The following CYP17A1 variants were observed in gnomAD, a reference collection of about 807,000 sequenced individuals.
CYP17A1 encodes the protein cytochrome P450 family 17 subfamily A member 1.
Under a neutral mutation model 38.5 loss-of-function variants are expected in CYP17A1, and 27 were observed. The ratio of observed to expected loss-of-function variants is 0.70; its 90% CI spans 0.52 to 0.97. CYP17A1 has a LOEUF of 0.97. Ranked by LOEUF, CYP17A1 falls within the 50% of genes least tolerant of loss-of-function variation. The pLI is 0.00. For missense variants in CYP17A1, 549 were observed against 645.9 expected, an observed-to-expected ratio of 0.85 and a Z score of 1.63; for synonymous variants, 263 against 253.3, an observed-to-expected ratio of 1.04 and a Z score of -0.36.
chr10:102,833,069 T>C lies in CYP17A1; in HGVS notation c.893A>G (p.Asp298Gly), dbSNP rs1185806538. Residue 298 changes from aspartate (D) to glycine (G), a missense_variant, in exon 5 of 8, where the codon GAC becomes GGC. Coordinates refer to ENST00000369887, the MANE Select transcript of CYP17A1 (RefSeq NM_000102.4). Reference sequence around the variant, plus strand: ...GGTCTCCACGCCAGCCCCAAAGATGTCCCCTATGGTGGTGAGAATGTGGTT... The same window carrying C: ...GGTCTCCACGCCAGCCCCAAAGATGCCCCCTATGGTGGTGAGAATGTGGTT... ...SDNHILTTIG[D>G]IFGAGVETTT... 2 of 1,614,114 alleles carry C rather than the reference T, an allele frequency of 1.2e-6. No homozygotes were observed. Among genetic ancestry groups the C allele is most frequent in the South Asian group, 1.1e-5 (1 of 91,078 alleles).
intron 1 of CYP17A1, chr10:102,836,685 TG>T (rs1844166893): frequency 4.1e-6 from 1 of 245,980 alleles, no homozygotes; most frequent in Non-Finnish European, 8.0e-6. Context: ...AAAAGTAACA[TG>T]AATCCTGGCT....
At chr10:102,832,771 G>C (rs1844108086) in intron 5 of CYP17A1, 91 bp from the exon 6 acceptor site, 1 of 1,249,934 alleles carries the variant, frequency 8.0e-7, no homozygotes, top group African/African-American at 1.5e-5. Context: ...ACATCGAGAA[G>C]AGCCTGTCCA....
In CYP17A1 at chr10:102,834,870, T is replaced by C; in HGVS notation, c.581A>G (p.Glu194Gly). 1 of 1,614,070 alleles carries C rather than the reference T, an allele frequency of 6.2e-7. No homozygotes were observed. The highest frequency in any genetic ancestry group is 8.5e-7 in the Non-Finnish European group (1 of 1,180,018). The change falls in exon 3 of 8, where the codon GAG (glutamate) becomes GGG (glycine). Residue 194 changes from glutamate to glycine, a missense_variant. Transcript: ENST00000369887. ...FNTSYKNGDP[E>G]LNVIQNYNEG... ...ATTGTAATTCTGTATGACATTCAAC[T>C]CAGGGTCCCCATTCTTGTAGGAGGT...
rs2134083839 is a variant in CYP17A1 at position 102,834,815 on chromosome 10, G to A, written c.636C>T (p.Asp212=). 1 of 1,614,164 alleles carries A rather than the reference G, an allele frequency of 6.2e-7. No homozygotes were observed. Among genetic ancestry groups the A allele is most frequent in the African/African-American group, 1.3e-5 (1 of 75,036 alleles). Residue 212 remains aspartate (D), a synonymous_variant, in exon 3 of 8, where the codon GAC becomes GAT. Coordinates refer to ENST00000369887, the MANE Select transcript of CYP17A1 (RefSeq NM_000102.4). ...ACCAGGGGACTAGGTCCACCAGGCT[G>A]TCTTTGCTCAGGTTGTCTATGATGC... ...NEGIIDNLSK[D]SLVDLVPWLK... is the part of the protein sequence containing the mutation.
At chr10:102,835,956 C>T (rs926473778) in intron 1 of CYP17A1, among the ~76,000 whole-genome samples, 5 of 152,158 alleles carry the variant, frequency 3.3e-5, no homozygotes, top group African/African-American at 1.2e-4. Flanking sequence ...TGGACTTGGG[C>T]CGAGCCGCCT....
intron 4 of CYP17A1, 152 bp from the exon 5 acceptor site, chr10:102,833,360 G>C (rs1844117814): frequency 6.7e-7 from 1 of 1,489,376 alleles, no homozygotes; most frequent in Non-Finnish European, 9.1e-7. Flanking sequence ...GTGGAGGTAG[G>C]AGGCAGCCCC....
In CYP17A1 at chr10:102,835,149, T is replaced by C. The variant is rs743575; in HGVS notation, c.436+105A>G. The C allele has an allele frequency of 1.7e-6, 2 of 1,156,652 alleles. No homozygotes were observed. Among genetic ancestry groups the C allele is most frequent in the East Asian group, 4.7e-5 (2 of 42,624 alleles). 71.6% of individuals were successfully genotyped at this position (1,156,652 alleles called of 1,614,324 possible). A position where few individuals can be genotyped will look rare whatever the true frequency, so the allele number is the denominator to read the frequency against. ...ATGGCAGCAGTAGCCAAGAAAAGGCTGCATTGCGCTCTAGTCCTAACCCTT... is the reference window on the plus strand; with the variant it reads ...ATGGCAGCAGTAGCCAAGAAAAGGCCGCATTGCGCTCTAGTCCTAACCCTT... On this transcript the variant is annotated intron_variant, in intron 2 of 7. Transcript: ENST00000369887.
rs1486837362 is a variant in CYP17A1 at position 102,833,178 on chromosome 10, T to G, written c.784A>C (p.Met262Leu). The G allele has an allele frequency of 4.3e-6, 7 of 1,614,144 alleles. No individual in the cohort carries two copies. ...TTGGCTTGCATCAGTGTGTCCAGCATGTTGGTGATAGAGTCACTCCGGAAT... is the reference window on the plus strand; with the variant it reads ...TTGGCTTGCATCAGTGTGTCCAGCAGGTTGGTGATAGAGTCACTCCGGAAT... Reference protein sequence around the residue: ...EKFRSDSITNMLDTLMQAKMN... With the variant: ...EKFRSDSITNLLDTLMQAKMN... The change falls in exon 5 of 8, where the codon ATG (methionine) becomes CTG (leucine). Residue 262 changes from methionine (M) to leucine (L), a missense_variant. By Grantham distance (15) the Met-to-Leu change is conservative (BLOSUM62 2). Transcript: ENST00000369887.
rs767581495 is a variant in CYP17A1, at chr10:102,833,219, T to G, written c.754-11A>C. 5.0e-5 allele frequency: 81 copies of G among 1,614,014 alleles called. No individual in the cohort carries two copies. In the African/African-American group the frequency reaches 7.7e-4, roughly 15 times the overall value. On this transcript the variant is annotated splice_polypyrimidine_tract_variant and intron_variant, in intron 4 of 7. Coordinates refer to ENST00000369887, the MANE Select transcript of CYP17A1 (RefSeq NM_000102.4). ...ACTCCGGAATTTCTCCTGGGTTGGG[T>G]GAGGTTGGGAGACATTAATAAGGAA...
chr10:102,836,194 T>C (rs551906739), intron 1 of CYP17A1, among the ~76,000 whole-genome samples: 10 of 151,850 alleles, frequency 6.6e-5, no homozygotes, highest in South Asian at 2.1e-4. Context: ...CACAGTGGCT[T>C]ACGCCTATAA....
At chr10:102,832,881 A>G in intron 5 of CYP17A1, 112 bp downstream of exon 5, 3 of 1,531,806 alleles carry the variant, frequency 2.0e-6, no homozygotes, top group Non-Finnish European at 2.7e-6. Flanking sequence ...GGTAAGGAGC[A>G]GGGCAGGCCT....
chr10:102,832,688 C>A lies in CYP17A1; in HGVS notation c.970-8G>T, dbSNP rs535051777. Reference sequence around the variant, plus strand: ...GTAGAGCTTCTTCTTCACCTGAAGACCAGAGTAGGTTGGAGGTGACTAGTG... The same window carrying A: ...GTAGAGCTTCTTCTTCACCTGAAGAACAGAGTAGGTTGGAGGTGACTAGTG... On this transcript the variant is annotated splice_region_variant and splice_polypyrimidine_tract_variant and intron_variant, in intron 5 of 7. Coordinates refer to ENST00000369887, the MANE Select transcript of CYP17A1 (RefSeq NM_000102.4). 6.9e-6 allele frequency: 11 copies of A among 1,583,794 alleles called. No individual in the cohort carries two copies. The Admixed American group carries it at 8.3e-5, about 12-fold the overall frequency.
At chr10:102,831,422 C>A in intron 7 of CYP17A1, 86 bp downstream of exon 7, 3 of 1,576,256 alleles carry the variant, frequency 1.9e-6, no homozygotes, top group East Asian at 4.6e-5. Context: ...TAGCAGCAAG[C>A]TTGGCAGAGG....
chr10:102,834,271 G>C, intron 3 of CYP17A1, 149 bp from the exon 4 acceptor site: 1 of 680,404 alleles, frequency 1.5e-6, no homozygotes, highest in Non-Finnish European at 2.7e-6. Context: ...AGGCAAGATG[G>C]GGACACAGAA....
chr10:102,830,860 C>A lies in CYP17A1; in HGVS notation c.1369G>T (p.Ala457Ser). The change falls in exon 8 of 8, where the codon GCC becomes TCC. Residue 457 changes from alanine (A) to serine (S), a missense_variant. By Grantham distance (99) the Ala-to-Ser change is moderately conservative. This residue lies in a region of CYP17A1 where 257 missense variants were observed against 307.9 expected (regional missense o/e 0.83). Coordinates refer to ENST00000369887, the MANE Select transcript of CYP17A1 (RefSeq NM_000102.4). The surrounding 1 kb of genome is among the most constrained non-coding windows in gnomAD (Gnocchi z 4.1). The part of the protein sequence containing the change: ...LARQELFLIM[A>S]WLLQRFDLEV... Reference sequence around the variant, plus strand: ...AGGTCGAACCTCTGCAGCAGCCAGGCCATGATGAGGAAGAGCTCCTGGCGG... The same window carrying A: ...AGGTCGAACCTCTGCAGCAGCCAGGACATGATGAGGAAGAGCTCCTGGCGG... 1 of 1,594,034 alleles carries A rather than the reference C, an allele frequency of 6.3e-7. No individual in the cohort carries two copies. The highest frequency in any genetic ancestry group is 1.7e-5 in the Admixed American group (1 of 58,130).
chr10:102,832,743 G>C (rs538827670), intron 5 of CYP17A1, 63 bp from the exon 6 acceptor site: 3 of 1,275,962 alleles, frequency 2.4e-6, no homozygotes, highest in African/African-American at 2.9e-5. Flanking sequence ...CAAGGGCTTA[G>C]AGAAGAATCC....
At chr10:102,836,453 C>G (rs1486141011) in intron 1 of CYP17A1, among the ~76,000 whole-genome samples, 1 of 83,250 alleles carries the variant, frequency 1.2e-5, no homozygotes, top group Admixed American at 1.5e-4. Context: ...GAGACTCTGT[C>G]TCAAAAAAAA....
chr10:102,831,448 G>T, intron 7 of CYP17A1, 60 bp downstream of exon 7: 1 of 1,604,400 alleles, frequency 6.2e-7, no homozygotes. Flanking sequence ...GGGTACTGGG[G>T]TGGTGGAGCA....
In CYP17A1 at chr10:102,834,894, G is replaced by C. The variant is rs766199096; in HGVS notation, c.557C>G (p.Thr186Ser). The C allele has an allele frequency of 1.2e-5, 19 of 1,613,750 alleles. No individual in the cohort carries two copies. The highest frequency in any genetic ancestry group is 1.2e-5 in the Non-Finnish European group (14 of 1,179,856). ...CTCAGGGTCCCCATTCTTGTAGGAGGTATTGAAGCAGATCAAGGAGATGAC... is the reference window on the plus strand; with the variant it reads ...CTCAGGGTCCCCATTCTTGTAGGAGCTATTGAAGCAGATCAAGGAGATGAC... ...TNVISLICFNTSYKNGDPELN... is the reference protein window; with the variant it reads ...TNVISLICFNSSYKNGDPELN... Residue 186 changes from threonine (T) to serine (S), a missense_variant, in exon 3 of 8, where the codon ACC becomes AGC. Around this residue, in one of 3 missense-constraint regions of CYP17A1, gnomAD observed 289 missense variants for 320.9 expected, o/e 0.90. Transcript: ENST00000369887.
Sources: allele counts gnomAD v4.1 joint callset (sites outside exome capture counted in the v4.1 genomes callset), GRCh38; gene constraint gnomAD v4.1.1; regional missense constraint gnomAD v4.1.1; non-coding constraint Gnocchi (gnomAD v3.1); transcripts MANE v1.5; gene names NCBI Gene and HGNC (gene_info 2026-07-23, HGNC 2026-07-21).